TRAPPC9: variants seen among roughly 807,000 people sequenced by gnomAD.
TRAPPC9 encodes the protein IKK2 binding protein.
Under a neutral mutation model 124.0 loss-of-function variants are expected in TRAPPC9, and 83 were observed. The observed-to-expected ratio is 0.67, with a 90% CI of 0.56 to 0.80. TRAPPC9 has a LOEUF of 0.80. Ranked by LOEUF, TRAPPC9 falls within the 30% of genes least tolerant of loss-of-function variation. The pLI is 0.00. For missense variants in TRAPPC9, 1,302 were observed against 1,508.3 expected (o/e 0.86, Z 2.27); for synonymous variants, 638 against 617.5 (o/e 1.03, Z -0.49).
chr8:140,360,077 T>A lies in TRAPPC9; in HGVS notation c.1468A>T (p.Thr490Ser). 6.2e-7 allele frequency: 1 copy of A among 1,614,076 alleles called. No homozygotes were observed. The change falls in exon 9 of 23, where the codon ACC (threonine) becomes TCC (serine). Residue 490 changes from threonine (T) to serine (S), a missense_variant. Thr to Ser is a moderately conservative substitution (Grantham distance 58). Around this residue, in one of 3 missense-constraint regions of TRAPPC9, gnomAD observed 657 missense variants for 811.2 expected, o/e 0.81. Coordinates refer to ENST00000438773, the MANE Select transcript of TRAPPC9 (RefSeq NM_001160372.4). ...SVRHLSFLLQ[T>S]MLDFLSDQEK... ...TGATCCGACAAGAAGTCCAGCATGG[T>A]CTGTAGAAGGAAGGACAGGTGTCTG...
At chr8:139,856,067 C>T (rs1394487774) in intron 21 of TRAPPC9, among the ~76,000 whole-genome samples, 3 of 152,190 alleles carry the variant, frequency 2.0e-5, no homozygotes, top group Admixed American at 2.0e-4. Context: ...TCTCCAGCTT[C>T]ACAGGCTGTG....
At chr8:139,734,490 A>G (rs973121560) in intron 21 of TRAPPC9, among the ~76,000 whole-genome samples, 7 of 152,200 alleles carry the variant, frequency 4.6e-5, no homozygotes, top group Non-Finnish European at 1.0e-4. Flanking sequence ...TGGAACAGTG[A>G]GGCAGATGAA....
chr8:140,085,884 T>C (rs1235458844), intron 17 of TRAPPC9, among the ~76,000 whole-genome samples: 1 of 152,206 alleles, frequency 6.6e-6, no homozygotes, highest in Non-Finnish European at 1.5e-5. Flanking sequence ...TTCTTCAAAG[T>C]GCTGGCAGAA....
rs1289555923 is a variant in TRAPPC9, at chr8:139,961,892, A to G, written c.2810+26834T>C. On this transcript the variant is annotated intron_variant, in intron 19 of 22. Transcript: ENST00000438773. Reference sequence around the variant, plus strand: ...GACAGAGGATAGCCAGAGGACAAACAGGGCAGAGAGATGACGGGATGACCA... The same window carrying G: ...GACAGAGGATAGCCAGAGGACAAACGGGGCAGAGAGATGACGGGATGACCA... Among the ~76,000 whole-genome samples the G allele has an allele frequency of 1.6e-5, 2 of 123,980 alleles. 1 individual carries two copies. The highest frequency in any genetic ancestry group is 4.5e-4 in the East Asian group (2 of 4,466). The allele number at this position is 123,980 out of a possible 152,430, so 81.3% of individuals were successfully genotyped here.
intron 9 of TRAPPC9, among the ~76,000 whole-genome samples, chr8:140,340,761 T>A (rs1198172179): frequency 3.3e-5 from 5 of 152,242 alleles, no homozygotes; most frequent in Non-Finnish European, 7.3e-5. Context: ...ACACATGCAG[T>A]AGCCCAGGCC....
intron 18 of TRAPPC9, among the ~76,000 whole-genome samples, chr8:140,010,679 G>A (rs1839059953): frequency 6.6e-6 from 1 of 152,198 alleles, no homozygotes; most frequent in Non-Finnish European, 1.5e-5. Context: ...TGAAAAGAAT[G>A]AGATATTCAA....
At chr8:140,137,428 C>T (rs1386668974) in intron 17 of TRAPPC9, among the ~76,000 whole-genome samples, 1 of 151,146 alleles carries the variant, frequency 6.6e-6, no homozygotes, top group Non-Finnish European at 1.5e-5. Context: ...GTCCAAAGTG[C>T]TGTCCAAAGT....
chr8:139,842,103 T>G (rs1055562009), intron 21 of TRAPPC9, among the ~76,000 whole-genome samples: 2 of 152,184 alleles, frequency 1.3e-5, no homozygotes, highest in Non-Finnish European at 2.9e-5. Context: ...CATTAGAAAC[T>G]AGGAACTCTG....
intron 8 of TRAPPC9, among the ~76,000 whole-genome samples, chr8:140,368,396 TA>T (rs1375036153): frequency 1.3e-5 from 2 of 152,206 alleles, no homozygotes; most frequent in African/African-American, 4.8e-5. Context: ...GACAGGCTTT[TA>T]TCACTTGCCC....
intron 17 of TRAPPC9, among the ~76,000 whole-genome samples, chr8:140,113,264 C>T (rs1014400550): frequency 6.6e-6 from 1 of 152,228 alleles, no homozygotes; most frequent in African/African-American, 2.4e-5. Flanking sequence ...GCAGCGCCAT[C>T]CCAGGCAGCA....
At chr8:139,854,664 C>T (rs1827694517) in intron 21 of TRAPPC9, among the ~76,000 whole-genome samples, 1 of 152,234 alleles carries the variant, frequency 6.6e-6, no homozygotes, top group Non-Finnish European at 1.5e-5. Context: ...CGGCATCACG[C>T]CTGCACACGT....
intron 21 of TRAPPC9, among the ~76,000 whole-genome samples, chr8:139,814,104 G>A (rs546113654): frequency 3.3e-5 from 5 of 152,314 alleles, no homozygotes; most frequent in Admixed American, 1.3e-4. Context: ...CTCGAAGCCC[G>A]GCAAGAAGAA....
At chr8:139,951,284 C>T (rs1160434740) in intron 19 of TRAPPC9, among the ~76,000 whole-genome samples, 1 of 151,528 alleles carries the variant, frequency 6.6e-6, no homozygotes, top group East Asian at 1.9e-4. Context: ...GTGGTTAGCA[C>T]ACGAGTCAGG....
chr8:140,141,822 A>G (rs1323329718), intron 17 of TRAPPC9, among the ~76,000 whole-genome samples: 2 of 152,200 alleles, frequency 1.3e-5, no homozygotes, highest in African/African-American at 4.8e-5. Context: ...TTACTGTTAT[A>G]TATGTTAAGG....
chr8:139,891,502 G>A (rs1002222449), intron 20 of TRAPPC9, among the ~76,000 whole-genome samples: 2 of 152,214 alleles, frequency 1.3e-5, no homozygotes, highest in Non-Finnish European at 2.9e-5. Flanking sequence ...TCATGCACGT[G>A]CTCATCCACT....
In TRAPPC9 at chr8:139,862,286, C is replaced by T. The variant is rs545253730; in HGVS notation, c.3055+23593G>A. Among the ~76,000 whole-genome samples, 202 of 152,358 alleles carry T rather than the reference C, an allele frequency of 1.3e-3. 1 individual carries two copies. Among genetic ancestry groups the T allele is most frequent in the African/African-American group, 4.6e-3 (192 of 41,584 alleles). ...TGCCCCACCAGGTCTCTGCCTTTTC[C>T]ACCATCAATGGGGACTTGTGAGCTT... On this transcript the variant is annotated intron_variant, in intron 21 of 22. Coordinates refer to ENST00000438773, the MANE Select transcript of TRAPPC9 (RefSeq NM_001160372.4).
intron 21 of TRAPPC9, among the ~76,000 whole-genome samples, chr8:139,832,205 T>C (rs1192379816): frequency 1.3e-5 from 2 of 152,214 alleles, no homozygotes; most frequent in Non-Finnish European, 2.9e-5. Flanking sequence ...TCTGATACCC[T>C]GTGAGTGCAC....
At chr8:140,408,203 G>A (rs947301103) in intron 5 of TRAPPC9, among the ~76,000 whole-genome samples, 1 of 152,132 alleles carries the variant, frequency 6.6e-6, no homozygotes, top group African/African-American at 2.4e-5. Context: ...GTAGATTACA[G>A]GCAGGAAAAT....
intron 21 of TRAPPC9, among the ~76,000 whole-genome samples, chr8:139,792,883 A>G (rs1313270568): frequency 6.6e-6 from 1 of 152,260 alleles, no homozygotes; most frequent in African/African-American, 2.4e-5. Flanking sequence ...ACAGGGAAGC[A>G]AGAGGAATAC....
Sources: allele counts gnomAD v4.1 joint callset (sites outside exome capture counted in the v4.1 genomes callset), GRCh38; gene constraint gnomAD v4.1.1; regional missense constraint gnomAD v4.1.1; transcripts MANE v1.5; gene names NCBI Gene and HGNC (gene_info 2026-07-23, HGNC 2026-07-21).